CCBE1: variants seen among roughly 807,000 people sequenced by gnomAD.
CCBE1 encodes collagen and calcium binding EGF domains 1, also known as collagen and calcium-binding EGF domain-containing protein 1.
A neutral mutation model predicts 50.0 loss-of-function variants in CCBE1; 37 were observed. The observed-to-expected ratio is 0.74, with a 90% CI of 0.57 to 0.97. The LOEUF (loss-of-function observed/expected upper bound fraction) is 0.97, where lower values mean the gene tolerates loss of function less well. Ranked by LOEUF, CCBE1 falls within the 50% of genes least tolerant of loss-of-function variation. The pLI, the probability that CCBE1 is intolerant of heterozygous loss-of-function variation, is 0.00. For missense variants in CCBE1, 538 were observed against 523.8 expected (o/e 1.03, Z -0.26); for synonymous variants, 234 against 203.7 (o/e 1.15, Z -1.27).
chr18:59,573,411 T>G (rs1267334175), intron 2 of CCBE1, among the ~76,000 whole-genome samples: 1 of 151,300 alleles, frequency 6.6e-6, no homozygotes, highest in South Asian at 2.1e-4. Context: ...AATCTGCCTG[T>G]GTTTCCAGTC....
intron 3 of CCBE1, among the ~76,000 whole-genome samples, chr18:59,475,311 C>T (rs1912253825): frequency 6.6e-6 from 1 of 152,194 alleles, no homozygotes; most frequent in Non-Finnish European, 1.5e-5. Flanking sequence ...GCACTGTGTA[C>T]ACCATCCCCT....
chr18:59,595,946 C>T (rs2053344445), intron 2 of CCBE1, among the ~76,000 whole-genome samples: 2 of 152,212 alleles, frequency 1.3e-5, no homozygotes, highest in South Asian at 4.1e-4. Context: ...GATGTGCAGA[C>T]TTCTTGAAAA....
intron 2 of CCBE1, among the ~76,000 whole-genome samples, chr18:59,611,888 C>G (rs985907814): frequency 6.6e-6 from 1 of 152,182 alleles, no homozygotes; most frequent in African/African-American, 2.4e-5. Context: ...TATAGAGTCA[C>G]TGGGAAAACA....
chr18:59,686,178 C>A (rs760496512), intron 2 of CCBE1: 5 of 152,222 alleles, frequency 3.3e-5, no homozygotes, highest in Non-Finnish European at 7.3e-5. Context: ...CATGTGTCCC[C>A]TTTATTAAGT....
intron 2 of CCBE1, among the ~76,000 whole-genome samples, chr18:59,586,342 T>C (rs1276631392): frequency 1.3e-5 from 2 of 152,130 alleles, no homozygotes; most frequent in African/African-American, 4.8e-5. Flanking sequence ...AAGAATCAAA[T>C]CTACACAAAC....
intron 2 of CCBE1, among the ~76,000 whole-genome samples, chr18:59,601,214 G>T (rs1310733687): frequency 6.6e-6 from 1 of 151,390 alleles, no homozygotes; most frequent in Non-Finnish European, 1.5e-5. Context: ...TGTAGTTTTG[G>T]TAGAGATAGG....
intron 2 of CCBE1, among the ~76,000 whole-genome samples, chr18:59,594,542 G>A (rs574382872): frequency 1.3e-5 from 2 of 152,306 alleles, no homozygotes; most frequent in East Asian, 3.9e-4. Flanking sequence ...GTAAGCTTCT[G>A]TTATGTATGT....
At chr18:59,437,927 A>G (rs1376397790) in intron 10 of CCBE1, among the ~76,000 whole-genome samples, 184 bp downstream of exon 10, 10 of 152,242 alleles carry the variant, frequency 6.6e-5, no homozygotes, top group Admixed American at 6.5e-4. Context: ...AAATTTGAAA[A>G]ATAAATCCAA....
chr18:59,582,856 A>G (rs1444681796), intron 2 of CCBE1, among the ~76,000 whole-genome samples: 1 of 152,214 alleles, frequency 6.6e-6, no homozygotes, highest in East Asian at 1.9e-4. Context: ...TCTGTCACCC[A>G]GGCTGAAGTG....
chr18:59,682,090 G>A (rs965854896), intron 2 of CCBE1, among the ~76,000 whole-genome samples: 4 of 152,180 alleles, frequency 2.6e-5, no homozygotes, highest in African/African-American at 7.2e-5. Flanking sequence ...CAGACCGGGC[G>A]CGTTGGCTCA....
chr18:59,621,874 G>A (rs2053714636), intron 2 of CCBE1, among the ~76,000 whole-genome samples: 1 of 152,172 alleles, frequency 6.6e-6, no homozygotes, highest in Non-Finnish European at 1.5e-5. Context: ...TCGGGAGCCT[G>A]CTGCACAAGT....
At chr18:59,697,129 C>A in intron 1 of CCBE1, 83 bp downstream of exon 1, 11 of 1,527,088 alleles carry the variant, frequency 7.2e-6, no homozygotes, top group Non-Finnish European at 1.8e-6. Flanking sequence ...TGGGAGTGGG[C>A]GCCGGGGAGG....
chr18:59,505,303 AC>A (rs1913820291), intron 2 of CCBE1, among the ~76,000 whole-genome samples: 2 of 152,222 alleles, frequency 1.3e-5, no homozygotes, highest in East Asian at 3.9e-4. Context: ...ACCAAGAGAT[AC>A]CCCAGCAGGA....
intron 2 of CCBE1, among the ~76,000 whole-genome samples, chr18:59,654,163 A>AT (rs2054158505): frequency 6.6e-6 from 1 of 152,234 alleles, no homozygotes; most frequent in Admixed American, 6.5e-5. Flanking sequence ...ACCATTGCCT[A>AT]TCCAGGACTT....
Position 59,466,721 on chromosome 18 carries a change from T to C in CCBE1, c.553+18A>G, listed in dbSNP as rs772249964. On this transcript the variant is annotated intron_variant, in intron 5 of 10. Coordinates refer to ENST00000439986, the MANE Select transcript of CCBE1 (RefSeq NM_133459.4). ...AAAAATATGTAATTAGGGAGATATT[T>C]AGACTTGCCCTACTTACCAGTGTCA... The C allele has an allele frequency of 5.5e-5, 88 of 1,603,208 alleles. No individual in the cohort carries two copies. Among genetic ancestry groups the C allele is most frequent in the Non-Finnish European group, 6.7e-5 (79 of 1,172,744 alleles).
At chr18:59,613,255 C>T (rs1409860372) in intron 2 of CCBE1, among the ~76,000 whole-genome samples, 1 of 152,118 alleles carries the variant, frequency 6.6e-6, no homozygotes, top group Non-Finnish European at 1.5e-5. Flanking sequence ...ATCATTTTGC[C>T]ACCAGTTAAG....
chr18:59,561,819 G>C (rs951078664), intron 2 of CCBE1, among the ~76,000 whole-genome samples: 13 of 152,232 alleles, frequency 8.5e-5, no homozygotes, highest in Non-Finnish European at 1.8e-4. Context: ...AGCTGTGTGT[G>C]AGGGCGGCCA....
chr18:59,689,353 A>C (rs565754210), intron 2 of CCBE1, among the ~76,000 whole-genome samples: 60 of 152,360 alleles, frequency 3.9e-4, no homozygotes, highest in Non-Finnish European at 6.0e-4. Flanking sequence ...ATGTGGTCCC[A>C]GTTTCTGAAG....
chr18:59,491,292 T>C (rs898228860), intron 2 of CCBE1, among the ~76,000 whole-genome samples: 2 of 152,170 alleles, frequency 1.3e-5, no homozygotes, highest in Non-Finnish European at 2.9e-5. Context: ...CCTGTAAATT[T>C]TCTCTGCAAG....
Sources: allele counts gnomAD v4.1 joint callset (sites outside exome capture counted in the v4.1 genomes callset), GRCh38; gene constraint gnomAD v4.1.1; transcripts MANE v1.5; gene names NCBI Gene and HGNC (gene_info 2026-07-23, HGNC 2026-07-21).